Variants in ZNF704 observed in about 807,000 individuals in gnomAD.
The protein encoded by ZNF704 is zinc finger protein 704.
In ZNF704, 10 loss-of-function variants were observed where a neutral mutation model predicts 44.7. The ratio of observed to expected loss-of-function variants is 0.22; its 90% CI spans 0.14 to 0.38. The LOEUF is 0.38. Ranked by LOEUF, ZNF704 falls within the 10% of genes least tolerant of loss-of-function variation. The pLI is 1.00. For missense variants in ZNF704, 390 were observed against 545.5 expected (o/e 0.71, Z 2.84); for synonymous variants, 211 against 207.6 (o/e 1.02, Z -0.14).
chr8:80,641,511 G>T, intron 8 of ZNF704, 34 bp from the exon 9 acceptor site: 1 of 1,469,618 alleles, frequency 6.8e-7, no homozygotes, highest in Non-Finnish European at 9.4e-7. Flanking sequence ...AGTTTAGTGG[G>T]AGGAATTCAA....
intron 2 of ZNF704, among the ~76,000 whole-genome samples, chr8:80,804,244 A>G (rs1807949335): frequency 6.6e-6 from 1 of 152,184 alleles, no homozygotes; most frequent in Admixed American, 6.5e-5. Context: ...AATTAGTTAA[A>G]CCATGGTGGA....
At chr8:80,748,713 C>CG (rs1443627328) in intron 2 of ZNF704, among the ~76,000 whole-genome samples, 1 of 152,046 alleles carries the variant, frequency 6.6e-6, no homozygotes. Flanking sequence ...GTTCTAGAAA[C>CG]AGAAAGATTG....
intron 1 of ZNF704, among the ~76,000 whole-genome samples, chr8:80,828,387 T>C (rs771189281): frequency 7.9e-5 from 12 of 152,152 alleles, no homozygotes; most frequent in Admixed American, 2.0e-4. Context: ...TGTAAGGTAA[T>C]TGGTACTGTA....
At chr8:80,686,628 A>G (rs1449551949) in intron 4 of ZNF704, among the ~76,000 whole-genome samples, 1 of 152,078 alleles carries the variant, frequency 6.6e-6, no homozygotes, top group African/African-American at 2.4e-5. Context: ...CCTGGTCTCA[A>G]GCAATCTTCC....
chr8:80,634,679 A>AT lies in ZNF704; in HGVS notation c.*6686dup, dbSNP rs1817639101. The AT allele has an allele frequency of 6.6e-6, 1 of 152,214 alleles. No homozygotes were observed. The highest frequency in any genetic ancestry group is 2.1e-4 in the South Asian group (1 of 4,826). 9.4% of individuals were successfully genotyped at this position (152,214 alleles called of 1,614,324 possible). On this transcript the variant is annotated 3_prime_UTR_variant, in exon 9 of 9. Coordinates refer to ENST00000327835, the MANE Select transcript of ZNF704 (RefSeq NM_001033723.3). Reference sequence around the variant, plus strand: ...GTGTGGGCACCCCTTCAAAGAGGGCATGTGTTCTGCAGTTCAACCTGGTCT... The same window carrying AT: ...GTGTGGGCACCCCTTCAAAGAGGGCATTGTGTTCTGCAGTTCAACCTGGTCT...
intron 2 of ZNF704, among the ~76,000 whole-genome samples, chr8:80,782,136 A>G (rs1034813124): frequency 6.6e-6 from 1 of 152,160 alleles, no homozygotes; most frequent in African/African-American, 2.4e-5. Flanking sequence ...TCTTGCTTTG[A>G]GTTAGCGCAG....
intron 2 of ZNF704, among the ~76,000 whole-genome samples, chr8:80,725,091 T>A (rs1806454896): frequency 6.6e-6 from 1 of 152,200 alleles, no homozygotes; most frequent in Non-Finnish European, 1.5e-5. Context: ...ACATAGTGTT[T>A]GTGTTACAAA....
At chr8:80,668,272 A>G (rs1411871906) in intron 5 of ZNF704, among the ~76,000 whole-genome samples, 1 of 152,216 alleles carries the variant, frequency 6.6e-6, no homozygotes, top group Non-Finnish European at 1.5e-5. Flanking sequence ...CTCGGAACAT[A>G]CCTTTTCCCC....
rs377349412 is a variant in ZNF704 at position 80,687,421 on chromosome 8, C to A, written c.363G>T (p.Val121=). ...LSGSWKEGGC[V]PSSTSSSGYW... is the part of the protein sequence containing the mutation. ...AGCCGCTGCTGCTGGTGCTGGAAGG[C>A]ACGCAGCCGCCCTCCTTCCAGGATC... Residue 121 remains valine, a synonymous_variant, in exon 4 of 9, where the codon GTG becomes GTT. Coordinates refer to ENST00000327835, the MANE Select transcript of ZNF704 (RefSeq NM_001033723.3). The A allele has an allele frequency of 1.1e-4, 183 of 1,593,096 alleles. No homozygotes were observed. The Middle Eastern group carries it at 2.6e-3, about 22-fold the overall frequency.
At chr8:80,757,848 A>C (rs1260579457) in intron 2 of ZNF704, among the ~76,000 whole-genome samples, 1 of 152,224 alleles carries the variant, frequency 6.6e-6, no homozygotes, top group Non-Finnish European at 1.5e-5. Flanking sequence ...AGGCTAGACC[A>C]TATAGCCTAG....
chr8:80,758,459 C>A (rs1357103625), intron 2 of ZNF704, among the ~76,000 whole-genome samples: 1 of 151,910 alleles, frequency 6.6e-6, no homozygotes, highest in African/African-American at 2.4e-5. Context: ...TTTGTTAATA[C>A]CTCCCTCCTT....
chr8:80,868,339 C>T (rs776165970), intron 1 of ZNF704, among the ~76,000 whole-genome samples: 2 of 152,180 alleles, frequency 1.3e-5, no homozygotes, highest in Non-Finnish European at 2.9e-5. Flanking sequence ...TCATTTAAAG[C>T]CCACATTAGT....
chr8:80,671,591 T>C (rs1441547354), intron 4 of ZNF704, among the ~76,000 whole-genome samples: 2 of 152,234 alleles, frequency 1.3e-5, no homozygotes, highest in Admixed American at 1.3e-4. Flanking sequence ...GTAAATTTTA[T>C]AGAAAGTGAG....
intron 1 of ZNF704, among the ~76,000 whole-genome samples, chr8:80,832,035 T>A (rs1163528788): frequency 3.3e-5 from 5 of 152,220 alleles, no homozygotes; most frequent in African/African-American, 1.2e-4. Flanking sequence ...ATACACATTA[T>A]CCCATATAAT....
At chr8:80,700,507 GTTA>G (rs1282451640) in intron 2 of ZNF704, among the ~76,000 whole-genome samples, 1 of 152,154 alleles carries the variant, frequency 6.6e-6, no homozygotes, top group Non-Finnish European at 1.5e-5. Flanking sequence ...AAACACTCAA[GTTA>G]TTATTATCCT....
At chr8:80,844,623 G>A (rs1299998465) in intron 1 of ZNF704, among the ~76,000 whole-genome samples, 1 of 152,218 alleles carries the variant, frequency 6.6e-6, no homozygotes, top group African/African-American at 2.4e-5. Context: ...TGGAAGTCAG[G>A]AATCCAACTA....
At position 80,645,238 on chromosome 8, in the gene ZNF704, A is replaced by C. The variant is rs370404576; in HGVS notation, c.1033-2109T>G. On this transcript the variant is annotated intron_variant, in intron 7 of 8. Coordinates refer to ENST00000327835, the MANE Select transcript of ZNF704 (RefSeq NM_001033723.3). ...CTCCCGGAAAAAGAATGTTTCAACTAATTAATCAGTATTGCCATATGTAGG... is the reference window on the plus strand; with the variant it reads ...CTCCCGGAAAAAGAATGTTTCAACTCATTAATCAGTATTGCCATATGTAGG... The C allele has an allele frequency of 5.7e-5, 84 of 1,470,586 alleles. No homozygotes were observed. In the East Asian group the frequency reaches 1.4e-3, roughly 24 times the overall value. 91.1% of individuals were successfully genotyped at this position (1,470,586 alleles called of 1,614,324 possible).
intron 4 of ZNF704, chr8:80,673,211 A>G (rs1247054945): frequency 3.3e-5 from 5 of 152,172 alleles, no homozygotes; most frequent in Non-Finnish European, 7.3e-5. Context: ...ATAAAGATAC[A>G]CTTTTTCCCC....
At chr8:80,688,325 AAGCCC>A (rs1818576006) in intron 3 of ZNF704, among the ~76,000 whole-genome samples, 4 of 152,224 alleles carry the variant, frequency 2.6e-5, no homozygotes, top group African/African-American at 9.6e-5. Flanking sequence ...TAGTTATCTA[AAGCCC>A]CTTTCCATTC....
Sources: allele counts gnomAD v4.1 joint callset (sites outside exome capture counted in the v4.1 genomes callset), GRCh38; gene constraint gnomAD v4.1.1; transcripts MANE v1.5; gene names NCBI Gene and HGNC (gene_info 2026-07-23, HGNC 2026-07-21).